OGT: variants seen among roughly 807,000 people sequenced by gnomAD.
The protein encoded by OGT is UDP-N-acetylglucosamine--peptide N-acetylglucosaminyltransferase 110 kDa subunit.
OGT carries 3 observed loss-of-function variants against 75.8 expected under a neutral mutation model. The observed-to-expected ratio is 0.04, with a 90% confidence interval of 0.02 to 0.10. The LOEUF (loss-of-function observed/expected upper bound fraction) is 0.10. Ranked by LOEUF, OGT falls within the 10% of genes least tolerant of loss-of-function variation. The pLI, the probability that OGT is intolerant of heterozygous loss-of-function variation, is 1.00. For missense variants in OGT, 260 were observed against 824.4 expected, an observed-to-expected ratio of 0.32 and a Z score of 8.38; for synonymous variants, 257 against 289.7, an observed-to-expected ratio of 0.89 and a Z score of 1.15.
At chrX:71,546,597 TG>T (rs2040260573) in intron 4 of OGT, 1 of 737,759 alleles carries the variant, frequency 1.4e-6, no homozygotes, top group East Asian at 1.5e-4. Context: ...AAGCAAGTTA[TG>T]TAAGAGAATG....
chrX:71,572,354 T>C (rs1163597969), intron 21 of OGT, among the ~76,000 whole-genome samples: 7 of 112,676 alleles, frequency 6.2e-5, no homozygotes, highest in Non-Finnish European at 1.1e-4. Context: ...CCTATTGGCA[T>C]AGAATTTTAA....
chrX:71,559,696 C>G lies in OGT; in HGVS notation c.1851+19C>G. On this transcript the variant is annotated intron_variant, in intron 14 of 21. Transcript: ENST00000373719. ...TTCTCAGGTAGATGAAACTCTCATA[C>G]TTTAACTTTTTATTTTGAGCAAGTT... 1 of 1,130,894 alleles carries G rather than the reference C, an allele frequency of 8.8e-7. No homozygotes were observed. Among genetic ancestry groups the G allele is most frequent in the East Asian group, 3.0e-5 (1 of 33,262 alleles). 93.2% of individuals were successfully genotyped at this position (1,130,894 alleles called of 1,213,427 possible).
At chrX:71,543,987 T>C (rs1328175928) in intron 3 of OGT, among the ~76,000 whole-genome samples, 3 of 109,369 alleles carry the variant, frequency 2.7e-5, no homozygotes, top group East Asian at 2.9e-4. Flanking sequence ...GGTTTCGCCA[T>C]GTTGGCCAGG....
intron 5 of OGT, among the ~76,000 whole-genome samples, chrX:71,550,826 G>A (rs1486570054): frequency 1.8e-5 from 2 of 109,881 alleles, no homozygotes; most frequent in Admixed American, 9.8e-5. Flanking sequence ...ACTGTATTAT[G>A]TCACCTATTT....
At chrX:71,550,044 A>G (rs2040291589) in intron 5 of OGT, among the ~76,000 whole-genome samples, 1 of 112,280 alleles carries the variant, frequency 8.9e-6, no homozygotes, top group Non-Finnish European at 1.9e-5. Context: ...GTTTAAATCT[A>G]TGAGCTTATA....
chrX:71,562,745 C>T, intron 15 of OGT, 102 bp from the exon 16 acceptor site: 2 of 739,871 alleles, frequency 2.7e-6, no homozygotes, highest in South Asian at 4.0e-5. Flanking sequence ...GTACAGTTGA[C>T]ATACAAAAAG....
Position 71,562,842 on chromosome X carries a change from T to G in OGT, c.1978-5T>G. On this transcript the variant is annotated splice_polypyrimidine_tract_variant and splice_region_variant and intron_variant, in intron 15 of 21. Transcript: ENST00000373719. ...TTAATCAGTTTTTGATCTGATTTTTTTAAGGCAATGTGGCTGGGATACCCT... is the reference window on the plus strand; with the variant it reads ...TTAATCAGTTTTTGATCTGATTTTTGTAAGGCAATGTGGCTGGGATACCCT... The G allele has an allele frequency of 8.5e-7, 1 of 1,181,179 alleles. No individual in the cohort carries two copies. The highest frequency in any genetic ancestry group is 1.1e-6 in the Non-Finnish European group (1 of 876,632).
At chrX:71,563,270 A>G in intron 17 of OGT, 24 bp downstream of exon 17, 1 of 1,200,594 alleles carries the variant, frequency 8.3e-7, no homozygotes, top group Non-Finnish European at 1.1e-6. Context: ...CAGTATTGTC[A>G]TTGAAATAAA....
At chrX:71,573,152 A>G (rs1379020697) in intron 21 of OGT, among the ~76,000 whole-genome samples, 1 of 112,407 alleles carries the variant, frequency 8.9e-6, no homozygotes, top group Non-Finnish European at 1.9e-5. Flanking sequence ...TTCAATGAAT[A>G]TCTTTGCATG....
At chrX:71,541,242 G>C (rs890190201) in intron 3 of OGT, among the ~76,000 whole-genome samples, 1 of 111,979 alleles carries the variant, frequency 8.9e-6, no homozygotes, top group Non-Finnish European at 1.9e-5. Context: ...GTGTGTTCCT[G>C]TCATGTTATT....
At chrX:71,560,251 C>T (rs1342607685) in intron 14 of OGT, among the ~76,000 whole-genome samples, 1 of 100,501 alleles carries the variant, frequency 1.0e-5, no homozygotes, top group East Asian at 3.1e-4. Flanking sequence ...TGCACTCCAG[C>T]CTGGCAAGAG....
chrX:71,563,057 T>C (rs895869405), intron 16 of OGT, 40 bp downstream of exon 16: 6 of 1,192,899 alleles, frequency 5.0e-6, no homozygotes, highest in East Asian at 3.0e-5. Flanking sequence ...TTCAAAGAAC[T>C]GTAGCTTTTT....
At chrX:71,566,211 T>G (rs2040415570) in intron 19 of OGT, among the ~76,000 whole-genome samples, 1 of 111,957 alleles carries the variant, frequency 8.9e-6, no homozygotes, top group African/African-American at 3.2e-5. Context: ...CCTTACTTCC[T>G]GATGTTCACA....
chrX:71,533,132 A>C lies in OGT; in HGVS notation c.-168A>C. 1 of 479,359 alleles carries C rather than the reference A, an allele frequency of 2.1e-6. No homozygotes were observed. Among genetic ancestry groups the C allele is most frequent in the Non-Finnish European group, 3.7e-6 (1 of 272,485 alleles). The allele number at this position is 479,359 out of a possible 1,213,427, so 39.5% of individuals were successfully genotyped here. A position where few individuals can be genotyped will look rare whatever the true frequency, so the allele number is the denominator to read the frequency against. ...TCAAGACCGTACTAGGTAGATGGTC[A>C]ATTAGAGTTCCCAGGGTTTGAAGCC... On this transcript the variant is annotated 5_prime_UTR_variant, in exon 1 of 22. Coordinates refer to ENST00000373719, the MANE Select transcript of OGT (RefSeq NM_181672.3).
intron 12 of OGT, among the ~76,000 whole-genome samples, chrX:71,557,930 G>T (rs1258083049): frequency 9.1e-6 from 1 of 110,411 alleles, no homozygotes; most frequent in Non-Finnish European, 1.9e-5. Flanking sequence ...TAAGTTGAAA[G>T]CCATAATTTT....
intron 21 of OGT, among the ~76,000 whole-genome samples, chrX:71,571,802 C>T (rs1438376847): frequency 9.1e-6 from 1 of 109,291 alleles, no homozygotes; most frequent in African/African-American, 3.3e-5. Context: ...CGGAGTCTTG[C>T]TCTGTCGCCC....
chrX:71,549,126 G>A (rs2040282804), intron 5 of OGT, among the ~76,000 whole-genome samples: 1 of 106,617 alleles, frequency 9.4e-6, no homozygotes, highest in Non-Finnish European at 1.9e-5. Context: ...ACAACATAAC[G>A]AGACCCTGTC....
At position 71,573,781 on chromosome X, in the gene OGT, C is replaced by T. The variant is rs761556464; in HGVS notation, c.3128C>T (p.Thr1043Ile). The T allele has an allele frequency of 8.3e-6, 10 of 1,199,160 alleles. No homozygotes were observed. In the South Asian group the frequency reaches 1.8e-4, roughly 22 times the overall value. The stretch of plus-strand genomic sequence containing the variant: ...CACATGATTAAGCCTGTTGAAGTCA[C>T]TGAGTCAGCATAAATAAAGACTGCA... ...PDHMIKPVEV[T>I]ESA is the part of the protein sequence containing the mutation. Residue 1043 changes from threonine (T) to isoleucine (I), a missense_variant, in exon 22 of 22, where the codon ACT becomes ATT. By Grantham distance (89) the Thr-to-Ile change is moderately conservative. Transcript: ENST00000373719.
At chrX:71,556,565 A>G (rs2040344966) in intron 8 of OGT, 115 bp from the exon 9 acceptor site, 3 of 413,591 alleles carry the variant, frequency 7.3e-6, no homozygotes, top group East Asian at 8.0e-5. Flanking sequence ...TGGAAAAAGT[A>G]GAGACAAATT....
Sources: allele counts gnomAD v4.1 joint callset (sites outside exome capture counted in the v4.1 genomes callset), GRCh38; gene constraint gnomAD v4.1.1; transcripts MANE v1.5; gene names NCBI Gene and HGNC (gene_info 2026-07-23, HGNC 2026-07-21).